The following CCDC15 variants were observed in gnomAD, a reference collection of about 807,000 sequenced individuals.
The protein encoded by CCDC15 is coiled-coil domain containing 15.
A neutral mutation model predicts 114.5 loss-of-function variants in CCDC15; 105 were observed. The observed-to-expected ratio is 0.92, with a 90% CI of 0.78 to 1.08. The LOEUF is 1.08. Among genes scored for constraint, CCDC15 ranks in the 50% least tolerant of loss-of-function variants. The pLI is 0.00. For synonymous variants in CCDC15, 334 were observed against 377.8 expected (o/e 0.88, Z 1.34); for missense variants, 1,105 against 1,093.6 (o/e 1.01, Z -0.15).
At chr11:124,961,756 GC>G (rs1418300588) in intron 4 of CCDC15, among the ~76,000 whole-genome samples, 1 of 152,004 alleles carries the variant, frequency 6.6e-6, no homozygotes, top group East Asian at 1.9e-4. Context: ...AAATTCCTGA[GC>G]TCAAGGGATC....
chr11:124,996,423 CA>C (rs1159270965), intron 11 of CCDC15, among the ~76,000 whole-genome samples: 1 of 152,200 alleles, frequency 6.6e-6, no homozygotes, highest in Admixed American at 6.5e-5. Flanking sequence ...CTTCAAGCCC[CA>C]CCAGCTAATT....
At chr11:124,992,136 C>G (rs77297605) in intron 9 of CCDC15, among the ~76,000 whole-genome samples, 59 of 152,282 alleles carry the variant, frequency 3.9e-4, no homozygotes, top group East Asian at 3.7e-3. Flanking sequence ...TTCTCTTCTA[C>G]TTTGTACTTC....
chr11:125,003,955 A>T lies in CCDC15; in HGVS notation c.2303A>T (p.Lys768Ile). 6.0e-6 allele frequency: 9 copies of T among 1,509,288 alleles called. No individual in the cohort carries two copies. Among genetic ancestry groups the T allele is most frequent in the Non-Finnish European group, 8.0e-6 (9 of 1,126,130 alleles). 93.5% of individuals were successfully genotyped at this position (1,509,288 alleles called of 1,614,324 possible). The change falls in exon 12 of 16, where the codon AAA becomes ATA. Residue 768 changes from lysine (K) to isoleucine (I), a missense_variant. Physicochemically the swap from Lys to Ile is moderately radical, Grantham distance 102. Transcript: ENST00000344762. The stretch of plus-strand genomic sequence containing the variant: ...GACGTGGATAAAGAAGAAGATAAGA[A>T]AGAGGTATGTAATGATACTGCTTTT... ...QSDVDKEEDK[K>I]ERQKQYLRHR...
chr11:124,988,143 G>A lies in CCDC15; in HGVS notation c.1908+9G>A. 1 of 1,592,916 alleles carries A rather than the reference G, an allele frequency of 6.3e-7. No homozygotes were observed. On this transcript the variant is annotated intron_variant, in intron 8 of 15. Coordinates refer to ENST00000344762, the MANE Select transcript of CCDC15 (RefSeq NM_025004.3). Reference sequence around the variant, plus strand: ...TTCTACCAAAATATCAGGTAAAATAGAGCAGAAAGGAGATACAAAAAGAAG... The same window carrying A: ...TTCTACCAAAATATCAGGTAAAATAAAGCAGAAAGGAGATACAAAAAGAAG...
At chr11:125,028,797 C>T (rs149868625) in intron 13 of CCDC15, among the ~76,000 whole-genome samples, 7 of 152,176 alleles carry the variant, frequency 4.6e-5, no homozygotes, top group African/African-American at 1.4e-4. Flanking sequence ...TTCTCTTGCC[C>T]GATCACTCTG....
chr11:124,973,180 G>T (rs1295663238), intron 4 of CCDC15, among the ~76,000 whole-genome samples: 2 of 152,082 alleles, frequency 1.3e-5, no homozygotes, highest in Non-Finnish European at 2.9e-5. Flanking sequence ...CTGCTTAAGG[G>T]CCTATAATCA....
intron 11 of CCDC15, among the ~76,000 whole-genome samples, chr11:125,001,113 G>A (rs370291046): frequency 1.1e-4 from 16 of 152,106 alleles, no homozygotes; most frequent in East Asian, 7.7e-4. Flanking sequence ...TATGCATGGG[G>A]ACCATTTTAA....
chr11:124,959,705 TCCCCTGC>T, intron 3 of CCDC15, 103 bp from the exon 4 acceptor site: 1 of 708,722 alleles, frequency 1.4e-6, no homozygotes, highest in Non-Finnish European at 2.2e-6. Context: ...CTAAAGCCTC[TCCCCTGC>T]CCCCCACCCC....
chr11:125,004,344 A>G (rs1445548242), intron 12 of CCDC15, among the ~76,000 whole-genome samples: 1 of 151,892 alleles, frequency 6.6e-6, no homozygotes, highest in African/African-American at 2.4e-5. Context: ...AGCTTTTTTC[A>G]AAATACAAAT....
Position 125,038,467 on chromosome 11 carries a change from A to G in CCDC15, c.2448A>G (p.Ala816=). ...AGAGAGAGCAAGAATGTTATGCTGCAGAGCAGAGGATCCTAAGAATGAACT... is the reference window on the plus strand; with the variant it reads ...AGAGAGAGCAAGAATGTTATGCTGCGGAGCAGAGGATCCTAAGAATGAACT... The part of the protein sequence containing the change: ...KKKREQECYA[A]EQRILRMNFH... The change falls in exon 14 of 16, where the codon GCA becomes GCG. Residue 816 remains alanine (A), a synonymous_variant. Coordinates refer to ENST00000344762, the MANE Select transcript of CCDC15 (RefSeq NM_025004.3). 6.4e-7 allele frequency: 1 copy of G among 1,571,306 alleles called. No individual in the cohort carries two copies. The highest frequency in any genetic ancestry group is 8.6e-7 in the Non-Finnish European group (1 of 1,159,318).
chr11:124,969,447 T>G (rs1947842426), intron 4 of CCDC15, among the ~76,000 whole-genome samples: 1 of 152,182 alleles, frequency 6.6e-6, no homozygotes, highest in South Asian at 2.1e-4. Flanking sequence ...GAACAACTGA[T>G]CATTGTTTTA....
chr11:125,038,811 GC>G, intron 14 of CCDC15, 109 bp from the exon 15 acceptor site: 1 of 1,326,712 alleles, frequency 7.5e-7, no homozygotes, highest in Admixed American at 2.1e-5. Context: ...AAATGTCAAG[GC>G]CCAGAGATAC....
intron 4 of CCDC15, among the ~76,000 whole-genome samples, chr11:124,972,539 T>C (rs1190828701): frequency 6.6e-6 from 1 of 152,226 alleles, no homozygotes; most frequent in Non-Finnish European, 1.5e-5. Flanking sequence ...TTGTTAACAT[T>C]AACTTTAGTC....
At chr11:125,034,469 CAG>C (rs1203004833) in intron 13 of CCDC15, among the ~76,000 whole-genome samples, 1 of 152,196 alleles carries the variant, frequency 6.6e-6, no homozygotes, top group Admixed American at 6.5e-5. Context: ...GACTCTTACT[CAG>C]GGCAATCTTA....
At chr11:125,009,159 G>T (rs1333808404) in intron 13 of CCDC15, among the ~76,000 whole-genome samples, 4 of 151,274 alleles carry the variant, frequency 2.6e-5, no homozygotes, top group Non-Finnish European at 5.9e-5. Context: ...CACGGGGGGC[G>T]GAGGTTGCAG....
At chr11:124,995,559 A>G (rs1007862609) in intron 11 of CCDC15, among the ~76,000 whole-genome samples, 3 of 152,156 alleles carry the variant, frequency 2.0e-5, no homozygotes, top group African/African-American at 7.2e-5. Context: ...TTTAGGTGTT[A>G]GCCATTGTTT....
rs143100626 is a variant in CCDC15, at chr11:124,978,458, A to G, written c.753+858A>G. ...ACCAAACTGCTTTCCACAATGGCCG[A>G]ACTAATTTACATTCCCCTTAGTGGT... On this transcript the variant is annotated intron_variant, in intron 6 of 15. Coordinates refer to ENST00000344762, the MANE Select transcript of CCDC15 (RefSeq NM_025004.3). Among the ~76,000 whole-genome samples the G allele has an allele frequency of 1.4e-4, 22 of 152,314 alleles. No individual in the cohort carries two copies. The East Asian group carries it at 3.9e-3, about 27-fold the overall frequency.
chr11:125,038,424 T>C lies in CCDC15; in HGVS notation c.2412-7T>C, dbSNP rs1193597558. On this transcript the variant is annotated splice_region_variant and splice_polypyrimidine_tract_variant and intron_variant, in intron 13 of 15. Transcript: ENST00000344762. The stretch of plus-strand genomic sequence containing the variant: ...AATTCCTAACCATGTTATGATTTTA[T>C]TTTCAGAATTAAGAAAAAGAGAGAG... 1 of 1,433,876 alleles carries C rather than the reference T, an allele frequency of 7.0e-7. No individual in the cohort carries two copies. The highest frequency in any genetic ancestry group is 1.5e-5 in the South Asian group (1 of 64,732). The allele number at this position is 1,433,876 out of a possible 1,614,324, so 88.8% of individuals were successfully genotyped here. A position where few individuals can be genotyped will look rare whatever the true frequency, so the allele number is the denominator to read the frequency against.
chr11:125,011,607 A>C (rs1303400136), intron 13 of CCDC15, among the ~76,000 whole-genome samples: 1 of 152,172 alleles, frequency 6.6e-6, no homozygotes, highest in Non-Finnish European at 1.5e-5. Flanking sequence ...TGTCAAAGGC[A>C]ATATTTATTG....
Sources: gnomAD v4.1 joint callset for allele counts (sites outside exome capture counted in the v4.1 genomes callset) on GRCh38, gnomAD v4.1.1 for gene constraint, MANE v1.5 for transcripts, NCBI Gene and HGNC (gene_info 2026-07-23, HGNC 2026-07-21) for gene names.